Variants in FTO observed in about 807,000 individuals in gnomAD.
FTO encodes alpha-ketoglutarate-dependent dioxygenase FTO.
Under a neutral mutation model 63.9 loss-of-function variants are expected in FTO, and 47 were observed. The observed-to-expected ratio is 0.74, with a 90% CI of 0.58 to 0.94. FTO has a LOEUF of 0.94. Ranked by LOEUF, FTO falls within the 40% of genes least tolerant of loss-of-function variation. The pLI is 0.00. For synonymous variants in FTO, 207 were observed against 224.4 expected, an observed-to-expected ratio of 0.92 and a Z score of 0.69; for missense variants, 562 against 618.1, an observed-to-expected ratio of 0.91 and a Z score of 0.96.
chr16:53,796,212 T>G (rs2078067109), intron 1 of FTO, among the ~76,000 whole-genome samples: 1 of 151,976 alleles, frequency 6.6e-6, no homozygotes, highest in African/African-American at 2.4e-5. Context: ...GCCCAGCTAA[T>G]TTTGAATTTT....
chr16:53,706,415 TA>T (rs752389826), intron 1 of FTO, among the ~76,000 whole-genome samples: 1 of 152,188 alleles, frequency 6.6e-6, no homozygotes, highest in Non-Finnish European at 1.5e-5. Flanking sequence ...TCCCTCTCGT[TA>T]ATTTGTGGTT....
At chr16:54,057,352 C>T (rs531175623) in intron 8 of FTO, among the ~76,000 whole-genome samples, 2 of 152,348 alleles carry the variant, frequency 1.3e-5, no homozygotes, top group East Asian at 3.9e-4. Flanking sequence ...CCATGATCAA[C>T]GTGACTCAGT....
intron 8 of FTO, among the ~76,000 whole-genome samples, chr16:54,049,538 G>A (rs2085265907): frequency 6.6e-6 from 1 of 152,186 alleles, no homozygotes; most frequent in Admixed American, 6.5e-5. Context: ...TGGTGAGGGG[G>A]GGAAATGGCC....
intron 7 of FTO, among the ~76,000 whole-genome samples, chr16:53,906,125 C>T (rs558612298): frequency 3.9e-5 from 6 of 152,344 alleles, no homozygotes; most frequent in South Asian, 2.1e-4. Flanking sequence ...CATCGGGGTT[C>T]AGTAGCCATA....
chr16:53,908,717 G>T (rs1166905055), intron 7 of FTO, among the ~76,000 whole-genome samples: 1 of 152,170 alleles, frequency 6.6e-6, no homozygotes, highest in Non-Finnish European at 1.5e-5. Context: ...TATTCTTCTT[G>T]TGTTGGTGCC....
intron 2 of FTO, among the ~76,000 whole-genome samples, chr16:53,812,255 C>T (rs1168730335): frequency 6.6e-6 from 1 of 152,036 alleles, no homozygotes; most frequent in Non-Finnish European, 1.5e-5. Context: ...CCTTTATCAG[C>T]ACTTAATCTC....
At chr16:53,855,828 C>T (rs1598837176) in intron 4 of FTO, among the ~76,000 whole-genome samples, 2 of 152,216 alleles carry the variant, frequency 1.3e-5, no homozygotes, top group African/African-American at 4.8e-5. Context: ...TCCATCTGTA[C>T]ATTCCCTTCT....
At chr16:54,078,897 T>TA (rs1457959140) in intron 8 of FTO, among the ~76,000 whole-genome samples, 29 of 152,146 alleles carry the variant, frequency 1.9e-4, no homozygotes, top group African/African-American at 7.0e-4. Context: ...TTTAAAAATT[T>TA]AAAAAAATCT....
chr16:53,740,939 G>C (rs2076514949), intron 1 of FTO, among the ~76,000 whole-genome samples: 2 of 152,286 alleles, frequency 1.3e-5, no homozygotes, highest in Non-Finnish European at 2.9e-5. Context: ...CCTGTAACAG[G>C]GGTCAGCAAA....
At chr16:53,971,526 T>C (rs2083316062) in intron 8 of FTO, among the ~76,000 whole-genome samples, 1 of 152,264 alleles carries the variant, frequency 6.6e-6, no homozygotes, top group South Asian at 2.1e-4. Flanking sequence ...TGTCGACTAA[T>C]TGTATTTGTT....
At chr16:53,831,632 A>G (rs1451834284) in intron 3 of FTO, among the ~76,000 whole-genome samples, 1 of 152,234 alleles carries the variant, frequency 6.6e-6, no homozygotes, top group Non-Finnish European at 1.5e-5. Flanking sequence ...ACATTCTAGC[A>G]AGGGAAAACA....
intron 8 of FTO, among the ~76,000 whole-genome samples, chr16:54,024,918 A>G (rs570556168): frequency 9.8e-5 from 15 of 152,350 alleles, no homozygotes; most frequent in African/African-American, 2.9e-4. Context: ...AATAGATTTT[A>G]TAATCAGTAA....
At chr16:54,057,438 T>C (rs1430572050) in intron 8 of FTO, among the ~76,000 whole-genome samples, 2 of 152,198 alleles carry the variant, frequency 1.3e-5, no homozygotes, top group Admixed American at 1.3e-4. Flanking sequence ...CTATTACCTA[T>C]GGATGTCTTC....
At chr16:54,034,984 T>C (rs1353109048) in intron 8 of FTO, among the ~76,000 whole-genome samples, 1 of 152,158 alleles carries the variant, frequency 6.6e-6, no homozygotes. Flanking sequence ...TAAATAGGGG[T>C]TGGGATTATC....
intron 8 of FTO, among the ~76,000 whole-genome samples, chr16:54,028,348 C>T (rs1026307261): frequency 1.3e-5 from 2 of 152,156 alleles, no homozygotes; most frequent in East Asian, 1.9e-4. Context: ...CCTCCCTCCT[C>T]CTCTCACCGT....
chr16:53,844,912 G>GT (rs57121366), intron 4 of FTO, among the ~76,000 whole-genome samples: 171 of 147,102 alleles, frequency 1.2e-3, no homozygotes, highest in Middle Eastern at 3.4e-3. Context: ...AGTAGTGAGA[G>GT]TTTTTTTTTT....
chr16:53,707,573 G>T (rs1253347227), intron 1 of FTO, among the ~76,000 whole-genome samples: 1 of 152,188 alleles, frequency 6.6e-6, no homozygotes, highest in African/African-American at 2.4e-5. Flanking sequence ...AATGTAAAAT[G>T]AGAGTTCTAC....
chr16:53,738,714 T>A (rs6499641), intron 1 of FTO, among the ~76,000 whole-genome samples: 61,209 of 151,930 alleles, frequency 0.4, 13,610 homozygotes, highest in Non-Finnish European at 0.51. Flanking sequence ...TGTATTAGAG[T>A]TCCATTTTCT....
chr16:53,841,388 T>C (rs1054211404), intron 3 of FTO, among the ~76,000 whole-genome samples: 1 of 152,146 alleles, frequency 6.6e-6, no homozygotes, highest in Non-Finnish European at 1.5e-5. Flanking sequence ...TGTTCTTAAT[T>C]AAAAAGTACT....
Sources: gnomAD v4.1 joint callset for allele counts (sites outside exome capture counted in the v4.1 genomes callset) on GRCh38, gnomAD v4.1.1 for gene constraint, MANE v1.5 for transcripts, NCBI Gene and HGNC (gene_info 2026-07-23, HGNC 2026-07-21) for gene names.